Variants in TRAPPC9 observed in about 807,000 individuals in gnomAD.
TRAPPC9 encodes the protein IKK2 binding protein.
TRAPPC9 carries 83 observed loss-of-function variants against 124.0 expected under a neutral mutation model. The observed-to-expected ratio is 0.67, with a 90% CI of 0.56 to 0.80. The LOEUF (loss-of-function observed/expected upper bound fraction) is 0.80, where lower values mean the gene tolerates loss of function less well. Among genes scored for constraint, TRAPPC9 ranks in the 30% least tolerant of loss-of-function variants. TRAPPC9 has a pLI of 0.00. For synonymous variants in TRAPPC9, 638 were observed against 617.5 expected, an observed-to-expected ratio of 1.03 and a Z score of -0.49; for missense variants, 1,302 against 1,508.3, an observed-to-expected ratio of 0.86 and a Z score of 2.27.
rs563534879 is a variant in TRAPPC9, at chr8:139,894,563, G to C, written c.2965-8594C>G. Among the ~76,000 whole-genome samples, 68 of 149,190 alleles carry C rather than the reference G, an allele frequency of 4.6e-4. No homozygotes were observed. The East Asian group carries it at 9.7e-3, about 21-fold the overall frequency. Reference sequence around the variant, plus strand: ...ACTGGAGTGCCTGCAGCGGAGGGAGGGGGGGGCTGCTGCTTCTCTTTCCCT... The same window carrying C: ...ACTGGAGTGCCTGCAGCGGAGGGAGCGGGGGGCTGCTGCTTCTCTTTCCCT... On this transcript the variant is annotated intron_variant, in intron 20 of 22. Transcript: ENST00000438773.
chr8:139,918,861 GCACCACGGGT>G (rs1459472559), intron 19 of TRAPPC9, among the ~76,000 whole-genome samples: 1 of 152,208 alleles, frequency 6.6e-6, no homozygotes, highest in Non-Finnish European at 1.5e-5. Flanking sequence ...GGCTCCTCCT[GCACCACGGGT>G]CATTTTAAAT....
chr8:140,128,972 A>T (rs1339453403), intron 17 of TRAPPC9, among the ~76,000 whole-genome samples: 2 of 123,174 alleles, frequency 1.6e-5, no homozygotes, highest in Non-Finnish European at 3.6e-5. Flanking sequence ...ACTATAATAA[A>T]ATATATATAT....
intron 17 of TRAPPC9, among the ~76,000 whole-genome samples, chr8:140,057,675 T>G (rs1054856935): frequency 5.9e-5 from 9 of 152,158 alleles, no homozygotes; most frequent in Admixed American, 6.5e-5. Flanking sequence ...TTCTGGGGAC[T>G]GGGAGAGGGG....
chr8:140,455,379 C>T (rs539468040), intron 1 of TRAPPC9, among the ~76,000 whole-genome samples: 66 of 152,154 alleles, frequency 4.3e-4, no homozygotes, highest in South Asian at 2.5e-3. Context: ...GTGATCCACC[C>T]GCCTCAGCCT....
At position 139,968,685 on chromosome 8, in the gene TRAPPC9, G is replaced by A. The variant is rs73725352; in HGVS notation, c.2810+20041C>T. On this transcript the variant is annotated intron_variant, in intron 19 of 22. Transcript: ENST00000438773. Reference sequence around the variant, plus strand: ...CATAAGTGGAGCGACTACCACTTACGGATGAGTTGTTAAATACAAGACAGG... The same window carrying A: ...CATAAGTGGAGCGACTACCACTTACAGATGAGTTGTTAAATACAAGACAGG... Among the ~76,000 whole-genome samples the A allele has an allele frequency of 7.2e-3, 1,089 of 152,262 alleles. 9 individuals are homozygous for A. Among genetic ancestry groups the A allele is most frequent in the African/African-American group, 0.024 (988 of 41,526 alleles).
At chr8:140,369,727 G>A (rs1334269432) in intron 8 of TRAPPC9, among the ~76,000 whole-genome samples, 6 of 152,074 alleles carry the variant, frequency 3.9e-5, no homozygotes, top group African/African-American at 7.2e-5. Flanking sequence ...CAAAGTGGGC[G>A]GATCACCTGA....
Position 140,287,190 on chromosome 8 carries a change from A to G in TRAPPC9, c.1981+418T>C, listed in dbSNP as rs374960217. ...AAAGTAGGCCCTGTATTTAGCCCAAAAAATACTGCTTGTGACAGGAGTTTT... is the reference window on the plus strand; with the variant it reads ...AAAGTAGGCCCTGTATTTAGCCCAAGAAATACTGCTTGTGACAGGAGTTTT... On this transcript the variant is annotated intron_variant, in intron 13 of 22. Coordinates refer to ENST00000438773, the MANE Select transcript of TRAPPC9 (RefSeq NM_001160372.4). Among the ~76,000 whole-genome samples the G allele has an allele frequency of 9.2e-5, 14 of 152,276 alleles. No individual in the cohort carries two copies. The East Asian group carries it at 1.5e-3, about 17-fold the overall frequency.
At chr8:140,260,765 C>G (rs1400502475) in intron 15 of TRAPPC9, among the ~76,000 whole-genome samples, 2 of 152,130 alleles carry the variant, frequency 1.3e-5, no homozygotes, top group Non-Finnish European at 2.9e-5. Flanking sequence ...TACCCAAAGC[C>G]CAACAGCTAA....
At chr8:140,340,314 C>G (rs2067159336) in intron 9 of TRAPPC9, among the ~76,000 whole-genome samples, 1 of 152,236 alleles carries the variant, frequency 6.6e-6, no homozygotes, top group Non-Finnish European at 1.5e-5. Context: ...GCTCGTTACT[C>G]TGTTGCTAAA....
intron 15 of TRAPPC9, among the ~76,000 whole-genome samples, chr8:140,267,624 A>C (rs931765107): frequency 3.9e-5 from 6 of 152,104 alleles, no homozygotes; most frequent in African/African-American, 1.4e-4. Context: ...TGGTATGTGG[A>C]GAGCGCTAAG....
At chr8:140,331,473 G>A (rs1054155087) in intron 9 of TRAPPC9, among the ~76,000 whole-genome samples, 13 of 152,124 alleles carry the variant, frequency 8.5e-5, no homozygotes, top group African/African-American at 2.9e-4. Context: ...ATAGATAAAT[G>A]AGATTATATC....
At chr8:140,424,931 T>C (rs1056637842) in intron 5 of TRAPPC9, among the ~76,000 whole-genome samples, 1 of 152,228 alleles carries the variant, frequency 6.6e-6, no homozygotes, top group African/African-American at 2.4e-5. Context: ...ATGAAAGTGA[T>C]GTAATTTTGT....
At chr8:139,945,978 ACTTTG>A (rs1834190322) in intron 19 of TRAPPC9, among the ~76,000 whole-genome samples, 1 of 152,260 alleles carries the variant, frequency 6.6e-6, no homozygotes, top group Admixed American at 6.5e-5. Flanking sequence ...CCTAGATTTA[ACTTTG>A]CTGTATGTTT....
chr8:139,822,024 T>C (rs539544434), intron 21 of TRAPPC9, among the ~76,000 whole-genome samples: 1 of 152,330 alleles, frequency 6.6e-6, no homozygotes, highest in South Asian at 2.1e-4. Context: ...ACAATGGCTT[T>C]GACCCCTGCC....
intron 9 of TRAPPC9, among the ~76,000 whole-genome samples, chr8:140,313,379 G>A (rs1460084419): frequency 6.6e-6 from 1 of 152,148 alleles, no homozygotes; most frequent in African/African-American, 2.4e-5. Context: ...ATCCAAGAAA[G>A]GAAAGGCACC....
chr8:139,730,450 G>A lies in TRAPPC9; in HGVS notation c.*611C>T. 1 of 154,162 alleles carries A rather than the reference G, an allele frequency of 6.5e-6. No homozygotes were observed. The highest frequency in any genetic ancestry group is 1.4e-5 in the Non-Finnish European group (1 of 69,366). The allele number at this position is 154,162 out of a possible 1,614,324, so 9.5% of individuals were successfully genotyped here. On this transcript the variant is annotated 3_prime_UTR_variant, in exon 23 of 23. Transcript: ENST00000438773. The stretch of plus-strand genomic sequence containing the variant: ...CCAGGGAGCACCCAGAAACAGCCCT[G>A]GGCTGCCAGCCCAGGCCTGGACATT...
At chr8:139,966,234 C>A (rs1835697950) in intron 19 of TRAPPC9, among the ~76,000 whole-genome samples, 1 of 152,192 alleles carries the variant, frequency 6.6e-6, no homozygotes, top group South Asian at 2.1e-4. Flanking sequence ...GAGAAGGAGA[C>A]CAGATGCCAG....
intron 20 of TRAPPC9, among the ~76,000 whole-genome samples, chr8:139,890,047 G>A (rs1005933592): frequency 6.6e-6 from 1 of 152,248 alleles, no homozygotes; most frequent in African/African-American, 2.4e-5. Flanking sequence ...GGAGGCCGCC[G>A]CCCCGGGCCT....
intron 21 of TRAPPC9, among the ~76,000 whole-genome samples, chr8:139,743,342 CA>C (rs1482923112): frequency 1.3e-5 from 2 of 152,208 alleles, no homozygotes; most frequent in African/African-American, 4.8e-5. Context: ...TGGCGAGAAA[CA>C]GGGGACTAAG....
Sources: gnomAD v4.1 joint callset for allele counts (sites outside exome capture counted in the v4.1 genomes callset) on GRCh38, gnomAD v4.1.1 for gene constraint, MANE v1.5 for transcripts, NCBI Gene and HGNC (gene_info 2026-07-23, HGNC 2026-07-21) for gene names.